Variants in PPA2 observed in about 807,000 individuals in gnomAD.
PPA2 encodes inorganic pyrophosphatase 2, mitochondrial.
In PPA2, 48 loss-of-function variants were observed where a neutral mutation model predicts 49.5. That is an observed-to-expected ratio of 0.97 (90% CI 0.77 to 1.23). The LOEUF (loss-of-function observed/expected upper bound fraction) is 1.23. PPA2 is among the 50% of genes most tolerant of loss of function. PPA2 has a pLI of 0.00. For missense variants in PPA2, 429 were observed against 410.1 expected (o/e 1.05, Z -0.40); for synonymous variants, 131 against 139.9 (o/e 0.94, Z 0.45).
At chr4:105,464,274 T>C (rs1723209827) in intron 1 of PPA2, among the ~76,000 whole-genome samples, 1 of 152,240 alleles carries the variant, frequency 6.6e-6, no homozygotes, top group Non-Finnish European at 1.5e-5. Flanking sequence ...ATTCTGGACT[T>C]GTATGGGGCC....
intron 7 of PPA2, among the ~76,000 whole-genome samples, chr4:105,404,267 G>T (rs1280601179): frequency 6.6e-6 from 1 of 151,624 alleles, no homozygotes; most frequent in Admixed American, 6.6e-5. Flanking sequence ...TAAATTTAAA[G>T]ATCAACAATA....
chr4:105,400,256 C>T (rs1408706206), intron 7 of PPA2, among the ~76,000 whole-genome samples: 1 of 151,844 alleles, frequency 6.6e-6, no homozygotes, highest in Non-Finnish European at 1.5e-5. Flanking sequence ...TATTGAGTTC[C>T]TTGAACGAAC....
chr4:105,378,541 CTT>C (rs1406425334), intron 10 of PPA2, among the ~76,000 whole-genome samples: 1 of 151,974 alleles, frequency 6.6e-6, no homozygotes, highest in East Asian at 1.9e-4. Context: ...TATGTAGCTT[CTT>C]TTCATTCTCC....
chr4:105,416,265 A>G (rs1398697760), intron 7 of PPA2, among the ~76,000 whole-genome samples: 1 of 152,244 alleles, frequency 6.6e-6, no homozygotes, highest in Non-Finnish European at 1.5e-5. Context: ...CCATAACACA[A>G]AGTGAAGAAA....
chr4:105,461,230 G>T (rs1723077947), intron 1 of PPA2, among the ~76,000 whole-genome samples: 1 of 152,216 alleles, frequency 6.6e-6, no homozygotes, highest in South Asian at 2.1e-4. Context: ...GCTGCAACCT[G>T]CAAGCATGCT....
At chr4:105,473,313 A>T in intron 1 of PPA2, 1 of 211,756 alleles carries the variant, frequency 4.7e-6, no homozygotes, top group Non-Finnish European at 9.8e-6. Context: ...ATGGTGGATC[A>T]CACTCAGGGT....
At chr4:105,473,815 C>T in intron 1 of PPA2, 79 bp downstream of exon 1, 1 of 1,530,800 alleles carries the variant, frequency 6.5e-7, no homozygotes, top group Non-Finnish European at 8.9e-7. Context: ...CCGCGCGGGG[C>T]GTCCCAAGTG....
At chr4:105,427,260 C>T (rs1194389791) in intron 6 of PPA2, among the ~76,000 whole-genome samples, 2 of 152,152 alleles carry the variant, frequency 1.3e-5, no homozygotes. Flanking sequence ...AGCAGAAAGG[C>T]TGAAAATTCC....
intron 7 of PPA2, among the ~76,000 whole-genome samples, chr4:105,400,385 T>C (rs1299561689): frequency 6.6e-6 from 1 of 152,118 alleles, no homozygotes; most frequent in East Asian, 1.9e-4. Flanking sequence ...GTGGCTCATG[T>C]CTGTAATCCC....
chr4:105,413,290 T>G (rs904170785), intron 7 of PPA2, among the ~76,000 whole-genome samples: 2 of 145,758 alleles, frequency 1.4e-5, no homozygotes, highest in African/African-American at 5.1e-5. Flanking sequence ...GGACACACGG[T>G]GGGGAGCATC....
Position 105,370,956 on chromosome 4 carries a change from T to C in PPA2, c.940-83A>G, listed in dbSNP as rs561026020. 5.3e-6 allele frequency: 7 copies of C among 1,313,464 alleles called. No individual in the cohort carries two copies. In the African/African-American group the frequency reaches 1.1e-4, roughly 20 times the overall value. 81.4% of individuals were successfully genotyped at this position (1,313,464 alleles called of 1,614,324 possible). ...CGCATCCAGAAGTTTTTTCACGAAA[T>C]TATAGAAGAAAGTTTACACACAATG... On this transcript the variant is annotated intron_variant, in intron 10 of 11. Coordinates refer to ENST00000341695, the MANE Select transcript of PPA2 (RefSeq NM_176869.3).
At position 105,396,256 on chromosome 4, in the gene PPA2, T is replaced by C. The variant is rs150216244; in HGVS notation, c.862A>G (p.Ile288Val). Residue 288 changes from isoleucine (I) to valine (V), a missense_variant, in exon 9 of 12, where the codon ATA (isoleucine) becomes GTA (valine). Coordinates refer to ENST00000341695, the MANE Select transcript of PPA2 (RefSeq NM_176869.3). ...GAAAAGACAAATTCTTACCAATTTA[T>C]AGCTCCTCCATTACACTTCTTCATA... is the stretch of plus-strand genomic sequence containing the variant. ...LLMKKCNGGA[I>V]NCTNVQISDS... 68 of 1,569,590 alleles carry C rather than the reference T, an allele frequency of 4.3e-5. No individual in the cohort carries two copies. Among genetic ancestry groups the C allele is most frequent in the Non-Finnish European group, 5.6e-5 (65 of 1,153,566 alleles).
intron 9 of PPA2, among the ~76,000 whole-genome samples, 169 bp from the exon 10 acceptor site, chr4:105,386,805 C>T (rs1733703714): frequency 6.6e-6 from 1 of 152,110 alleles, no homozygotes; most frequent in South Asian, 2.1e-4. Flanking sequence ...TATATTCTTT[C>T]AGGCAAGGTT....
chr4:105,385,595 A>G (rs183345868), intron 10 of PPA2, among the ~76,000 whole-genome samples: 1 of 152,144 alleles, frequency 6.6e-6, no homozygotes. Flanking sequence ...TGAGATTTCT[A>G]GCCTAAGATC....
At chr4:105,450,601 CTTTTTTTTTTTT>C (rs575896250) in intron 3 of PPA2, among the ~76,000 whole-genome samples, 5 of 82,678 alleles carry the variant, frequency 6.0e-5, no homozygotes, top group African/African-American at 2.3e-4. Context: ...GTCTGGAATT[CTTTTTTTTTTTT>C]TTTTTTTTTT....
chr4:105,445,353 A>G (rs1353135628), intron 5 of PPA2, among the ~76,000 whole-genome samples: 1 of 152,126 alleles, frequency 6.6e-6, no homozygotes, highest in Non-Finnish European at 1.5e-5. Flanking sequence ...GAGAGTTAGA[A>G]AACCTGCTTT....
At chr4:105,439,023 C>T (rs1187686403) in intron 5 of PPA2, among the ~76,000 whole-genome samples, 1 of 151,398 alleles carries the variant, frequency 6.6e-6, no homozygotes, top group Non-Finnish European at 1.5e-5. Flanking sequence ...AAAAAAAAAT[C>T]AATAAATGAA....
intron 10 of PPA2, among the ~76,000 whole-genome samples, chr4:105,379,367 CTA>C (rs1467553810): frequency 6.6e-6 from 1 of 150,408 alleles, no homozygotes; most frequent in Non-Finnish European, 1.5e-5. Flanking sequence ...GTATATATAT[CTA>C]TATATATAGA....
intron 7 of PPA2, among the ~76,000 whole-genome samples, chr4:105,408,411 G>A (rs146815297): frequency 5.3e-5 from 8 of 151,842 alleles, no homozygotes; most frequent in African/African-American, 1.9e-4. Context: ...TTTTAAATAC[G>A]TTTTCTTTAA....
Sources: allele counts gnomAD v4.1 joint callset (sites outside exome capture counted in the v4.1 genomes callset), GRCh38; gene constraint gnomAD v4.1.1; transcripts MANE v1.5; gene names NCBI Gene and HGNC (gene_info 2026-07-23, HGNC 2026-07-21).